Variants in CAB39L observed in about 807,000 individuals in gnomAD.
CAB39L encodes the protein calcium-binding protein 39-like.
Under a neutral mutation model 39.1 loss-of-function variants are expected in CAB39L, and 23 were observed. The observed-to-expected ratio is 0.59, with a 90% confidence interval of 0.42 to 0.83. The LOEUF (loss-of-function observed/expected upper bound fraction) is 0.83. CAB39L is among the 40% of genes least tolerant of loss of function. The pLI, the probability that CAB39L is intolerant of heterozygous loss-of-function variation, is 0.00. For synonymous variants in CAB39L, 126 were observed against 137.2 expected (o/e 0.92, Z 0.57); for missense variants, 366 against 391.9 (o/e 0.93, Z 0.56).
intron 10 of CAB39L, among the ~76,000 whole-genome samples, chr13:49,326,452 A>G (rs1954500046): frequency 6.6e-6 from 1 of 152,216 alleles, no homozygotes; most frequent in African/African-American, 2.4e-5. Flanking sequence ...AATAGTAGGA[A>G]GCACGTGCTG....
intron 3 of CAB39L, chr13:49,413,092 G>C (rs753149319): frequency 1.3e-5 from 2 of 148,796 alleles, no homozygotes; most frequent in Non-Finnish European, 3.0e-5. Flanking sequence ...CAAGGAGCTT[G>C]TACAACTTTT....
intron 10 of CAB39L, among the ~76,000 whole-genome samples, chr13:49,321,333 T>G (rs922107764): frequency 6.6e-6 from 1 of 152,242 alleles, no homozygotes; most frequent in Non-Finnish European, 1.5e-5. Flanking sequence ...GCTTGTAGAT[T>G]CTTCTTACAT....
chr13:49,386,556 C>T (rs4942827), intron 3 of CAB39L, among the ~76,000 whole-genome samples: 82,849 of 151,912 alleles, frequency 0.55, 24,005 homozygotes, highest in African/African-American at 0.72. Flanking sequence ...TTAAAAATTA[C>T]TTTCATATTT....
At chr13:49,387,050 T>A (rs1956381234) in intron 3 of CAB39L, among the ~76,000 whole-genome samples, 1 of 152,136 alleles carries the variant, frequency 6.6e-6, no homozygotes, top group Admixed American at 6.5e-5. Context: ...GTAAACTCCC[T>A]CTAGTTGATT....
At chr13:49,435,793 G>A (rs116668818) in intron 1 of CAB39L, among the ~76,000 whole-genome samples, 1,696 of 152,264 alleles carry the variant, frequency 0.011, 27 homozygotes, top group African/African-American at 0.038. Flanking sequence ...GAGCCACCAC[G>A]CCCAGTCTGG....
intron 7 of CAB39L, among the ~76,000 whole-genome samples, chr13:49,346,094 ATGC>A (rs1403194252): frequency 4.2e-4 from 16 of 38,544 alleles, no homozygotes; most frequent in South Asian, 1.1e-3. Context: ...ATATATATAT[ATGC>A]TAGATATATA....
At chr13:49,392,833 AC>A (rs1295188763) in intron 3 of CAB39L, among the ~76,000 whole-genome samples, 1 of 152,142 alleles carries the variant, frequency 6.6e-6, no homozygotes. Context: ...TGTTTACAAA[AC>A]AAAATACCAA....
intron 1 of CAB39L, among the ~76,000 whole-genome samples, chr13:49,435,030 T>C (rs12862490): frequency 4.6e-5 from 7 of 152,250 alleles, no homozygotes; most frequent in Non-Finnish European, 7.3e-5. Flanking sequence ...CTCTCTTCTG[T>C]TGTTGGCACC....
At chr13:49,403,937 T>C (rs1956824120) in intron 3 of CAB39L, among the ~76,000 whole-genome samples, 1 of 152,022 alleles carries the variant, frequency 6.6e-6, no homozygotes, top group Non-Finnish European at 1.5e-5. Context: ...AAAATAAAAA[T>C]GAACAGAGAA....
At chr13:49,436,137 T>C (rs1957409207) in intron 1 of CAB39L, among the ~76,000 whole-genome samples, 1 of 152,216 alleles carries the variant, frequency 6.6e-6, no homozygotes, top group Admixed American at 6.5e-5. Flanking sequence ...CTTTGTATGT[T>C]GCTGTTTAGA....
In CAB39L at chr13:49,329,543, AAATATATATATATATATATATAT is replaced by A. The variant is rs1343627037; in HGVS notation, c.834+2381_834+2403del. 6.6e-3 allele frequency among the ~76,000 whole-genome samples: 220 copies of A among 33,420 alleles called. 21 individuals carry two copies. Among genetic ancestry groups the A allele is most frequent in the African/African-American group, 0.032 (172 of 5,414 alleles). The allele number at this position is 33,420 out of a possible 152,430, so 21.9% of individuals were successfully genotyped here. On this transcript the variant is annotated intron_variant, in intron 10 of 10. Coordinates refer to ENST00000409308, the MANE Select transcript of CAB39L (RefSeq NM_001079670.3). ...TACATATCTCTTCAATTAAAAAAAA[AAATATATATATATATATATATAT>A]ATATATATATATATATATATATATA... is the stretch of plus-strand genomic sequence containing the variant.
chr13:49,369,763 T>C (rs988624796), intron 5 of CAB39L, among the ~76,000 whole-genome samples: 8 of 152,054 alleles, frequency 5.3e-5, no homozygotes, highest in Admixed American at 2.0e-4. Flanking sequence ...AATTTTTGTA[T>C]TTTTAGTAGA....
intron 3 of CAB39L, among the ~76,000 whole-genome samples, chr13:49,413,559 A>T (rs1371962740): frequency 3.3e-5 from 5 of 152,166 alleles, no homozygotes; most frequent in African/African-American, 9.7e-5. Context: ...GAGAAAAGAA[A>T]ATTGTGGTTA....
chr13:49,359,051 C>A (rs923750847), intron 6 of CAB39L, among the ~76,000 whole-genome samples: 1 of 151,978 alleles, frequency 6.6e-6, no homozygotes, highest in Non-Finnish European at 1.5e-5. Context: ...AATAAAGAGA[C>A]GTCCTGGTTT....
chr13:49,373,642 T>C (rs1418127747), intron 5 of CAB39L, among the ~76,000 whole-genome samples: 1 of 152,222 alleles, frequency 6.6e-6, no homozygotes. Flanking sequence ...ATACCTTCTT[T>C]TGGTCCAATT....
At chr13:49,387,972 A>G (rs1956401166) in intron 3 of CAB39L, among the ~76,000 whole-genome samples, 1 of 152,232 alleles carries the variant, frequency 6.6e-6, no homozygotes, top group Admixed American at 6.5e-5. Context: ...CTTATAATGT[A>G]CTAGGCACTG....
At chr13:49,336,957 TAG>T (rs1428003204) in intron 9 of CAB39L, among the ~76,000 whole-genome samples, 1 of 152,200 alleles carries the variant, frequency 6.6e-6, no homozygotes, top group Admixed American at 6.5e-5. Flanking sequence ...GCTTTTTTTC[TAG>T]ATGGGTCTCC....
chr13:49,360,437 C>G (rs1955601543), intron 5 of CAB39L, among the ~76,000 whole-genome samples: 1 of 152,098 alleles, frequency 6.6e-6, no homozygotes, highest in Non-Finnish European at 1.5e-5. Context: ...GAAGAGATCA[C>G]CGAATCAGTG....
intron 1 of CAB39L, among the ~76,000 whole-genome samples, chr13:49,439,921 G>GTTTTTTTTTTTTTTTTTT (rs34993624): frequency 2.5e-5 from 2 of 78,540 alleles, no homozygotes; most frequent in East Asian, 4.8e-4. Flanking sequence ...TTTTTAATGG[G>GTTTTTTTTTTTTTTTTTT]TTTTTTTTTT....
Sources: allele counts gnomAD v4.1 joint callset (sites outside exome capture counted in the v4.1 genomes callset), GRCh38; gene constraint gnomAD v4.1.1; transcripts MANE v1.5; gene names NCBI Gene and HGNC (gene_info 2026-07-23, HGNC 2026-07-21).